ADH1B: variants seen among roughly 807,000 people sequenced by gnomAD.
The protein encoded by ADH1B is all-trans-retinol dehydrogenase [NAD(+)] ADH1B.
A neutral mutation model predicts 34.6 loss-of-function variants in ADH1B; 29 were observed. That is an observed-to-expected ratio of 0.84 (90% CI 0.62 to 1.14). ADH1B has a LOEUF of 1.14. Among genes scored for constraint, ADH1B ranks in the 50% most tolerant of loss-of-function variants. ADH1B has a pLI of 0.00. For synonymous variants in ADH1B, 170 were observed against 175.5 expected, an observed-to-expected ratio of 0.97 and a Z score of 0.25; for missense variants, 424 against 468.4, an observed-to-expected ratio of 0.91 and a Z score of 0.87.
intron 8 of ADH1B, among the ~76,000 whole-genome samples, chr4:99,310,134 G>C (rs544355644): frequency 6.6e-6 from 1 of 152,232 alleles, no homozygotes; most frequent in Admixed American, 6.5e-5. Flanking sequence ...TTAAATGTTA[G>C]AGGTAGGAAA....
At position 99,316,104 on chromosome 4, in the gene ADH1B, G is replaced by C. The variant is rs778449756; in HGVS notation, c.361C>G (p.Arg121Gly). ...CTGGTGCCATCCTGCAGGGTCCCCCGAGGATTGCCTAGACTGGGCAGTGCA... is the reference window on the plus strand; with the variant it reads ...CTGGTGCCATCCTGCAGGGTCCCCCCAGGATTGCCTAGACTGGGCAGTGCA... ...YCLKNDLGNP[R>G]GTLQDGTRRF... Residue 121 changes from arginine to glycine, a missense_variant, in exon 5 of 9, where the codon CGG becomes GGG. This residue lies in a region of ADH1B where 291 missense variants were observed against 300.4 expected (regional missense o/e 0.97). Transcript: ENST00000305046. The C allele has an allele frequency of 6.2e-7, 1 of 1,614,054 alleles. No homozygotes were observed. Among genetic ancestry groups the C allele is most frequent in the Admixed American group, 1.7e-5 (1 of 60,002 alleles).
Position 99,314,187 on chromosome 4 carries a change from CTT to C in ADH1B, c.568-108_568-107del. The C allele has an allele frequency of 3.3e-6, 5 of 1,507,856 alleles. No homozygotes were observed. In the East Asian group the frequency reaches 1.1e-4, roughly 34 times the overall value. The allele number at this position is 1,507,856 out of a possible 1,614,324, so 93.4% of individuals were successfully genotyped here. A position where few individuals can be genotyped will look rare whatever the true frequency, so the allele number is the denominator to read the frequency against. On this transcript the variant is annotated intron_variant, in intron 5 of 8. Transcript: ENST00000305046. ...GTGTTTATCAAGAACTACTCAGACT[CTT>C]TTGTCCAACCGTTTATCAAAACCTC...
Position 99,318,768 on chromosome 4 carries a change from A to T in ADH1B, c.120+17T>A. The T allele has an allele frequency of 6.3e-7, 1 of 1,590,700 alleles. No homozygotes were observed. On this transcript the variant is annotated intron_variant, in intron 2 of 8. Transcript: ENST00000305046. ...TTTTTAAATGTAAAATGAAATATAA[A>T]TGGAAAAATATTTCACCTTAATGCG...
Position 99,311,609 on chromosome 4 carries a change from G to T in ADH1B, c.876C>A (p.Ile292=). The T allele has an allele frequency of 6.2e-7, 1 of 1,614,022 alleles. No individual in the cohort carries two copies. The highest frequency in any genetic ancestry group is 1.3e-5 in the African/African-American group (1 of 75,026). ...CCHEACGTSV[I]VGVPPASQNL... ...TCTGGGAAGCAGGAGGTACCCCTAC[G>T]ATGACGCTTGTGCCACATGCCTCAT... The change falls in exon 7 of 9, where the codon ATC becomes ATA. Residue 292 remains isoleucine (I), a synonymous_variant. Transcript: ENST00000305046.
intron 1 of ADH1B, chr4:99,320,676 C>T: frequency 9.2e-6 from 4 of 433,192 alleles, no homozygotes; most frequent in Admixed American, 5.5e-5. Flanking sequence ...TCTGTAAAAC[C>T]ATATTAACTT....
chr4:99,315,658 A>AC (rs1483067910), intron 5 of ADH1B: 1 of 583,472 alleles, frequency 1.7e-6, no homozygotes, highest in African/African-American at 1.9e-5. Context: ...TGATCCCATA[A>AC]ACAGCAAATT....
intron 3 of ADH1B, 75 bp from the exon 4 acceptor site, chr4:99,316,377 G>A (rs1733887573): frequency 9.3e-6 from 13 of 1,403,916 alleles, no homozygotes; most frequent in South Asian, 1.2e-5. Flanking sequence ...AAGCTCACAT[G>A]TATTGATTAG....
chr4:99,312,772 G>A (rs1307062267), intron 6 of ADH1B, among the ~76,000 whole-genome samples: 1 of 152,082 alleles, frequency 6.6e-6, no homozygotes, highest in Non-Finnish European at 1.5e-5. Context: ...AGAATCACTT[G>A]AGCCCAGGAG....
chr4:99,318,629 AT>A, intron 2 of ADH1B, 155 bp downstream of exon 2: 1 of 742,806 alleles, frequency 1.3e-6, no homozygotes, highest in Non-Finnish European at 2.1e-6. Flanking sequence ...AAAATTTAAA[AT>A]TTATATTTAT....
rs1733715667 is a variant in ADH1B at position 99,310,193 on chromosome 4, T to G, written c.1103+572A>C. 7 of 216,800 alleles carry G rather than the reference T, an allele frequency of 3.2e-5. 1 individual carries two copies. The South Asian group carries it at 4.1e-4, about 13-fold the overall frequency. 13.4% of individuals were successfully genotyped at this position (216,800 alleles called of 1,614,324 possible). A position where few individuals can be genotyped will look rare whatever the true frequency, so the allele number is the denominator to read the frequency against. ...CTTCAGAGAAAATGTAAGACAAACA[T>G]TTAAAATAGTATTTACTACTCTTTT... On this transcript the variant is annotated intron_variant, in intron 8 of 8. Transcript: ENST00000305046.
intron 8 of ADH1B, 59 bp from the exon 9 acceptor site, chr4:99,307,923 G>A (rs1380081094): frequency 1.0e-5 from 16 of 1,608,030 alleles, no homozygotes; most frequent in African/African-American, 2.7e-5. Flanking sequence ...TGCTTGTTGT[G>A]AGAGTCCAAG....
chr4:99,311,235 A>C (rs1299835708), intron 7 of ADH1B, among the ~76,000 whole-genome samples: 2 of 152,200 alleles, frequency 1.3e-5, no homozygotes, highest in Non-Finnish European at 2.9e-5. Context: ...TCTACTAAAA[A>C]TTTCCATGCC....
intron 8 of ADH1B, among the ~76,000 whole-genome samples, chr4:99,310,554 C>T (rs1049371065): frequency 2.0e-5 from 3 of 151,930 alleles, no homozygotes; most frequent in South Asian, 2.1e-4. Flanking sequence ...CAGTAATCAA[C>T]GTAATTTGAC....
At position 99,305,559 on chromosome 4, in the gene ADH1B, G is replaced by GTA. The variant is rs1491392964; in HGVS notation, c.*2280_*2281insTA. The GTA allele has an allele frequency of 1.4e-3, 61 of 43,098 alleles. 16 individuals are homozygous for GTA. The highest frequency in any genetic ancestry group is 1.9e-3 in the Non-Finnish European group (48 of 25,018). The allele number at this position is 43,098 out of a possible 1,614,324, so 2.7% of individuals were successfully genotyped here. A position where few individuals can be genotyped will look rare whatever the true frequency, so the allele number is the denominator to read the frequency against. On this transcript the variant is annotated 3_prime_UTR_variant, in exon 9 of 9. Coordinates refer to ENST00000305046, the MANE Select transcript of ADH1B (RefSeq NM_000668.6). ...AACTATATGAACCACTTGCCCCATA[G>GTA]TGTATATATATATATATATATATAT...
At chr4:99,309,232 A>G (rs945537238) in intron 8 of ADH1B, among the ~76,000 whole-genome samples, 1 of 152,106 alleles carries the variant, frequency 6.6e-6, no homozygotes, top group Non-Finnish European at 1.5e-5. Flanking sequence ...TGTAGAATAG[A>G]TTTCTAGAAA....
At chr4:99,310,683 T>G in intron 8 of ADH1B, 82 bp downstream of exon 8, 2 of 1,523,946 alleles carry the variant, frequency 1.3e-6, no homozygotes, top group Non-Finnish European at 1.8e-6. Flanking sequence ...TATTTTCTCA[T>G]CTTTCCACCT....
intron 6 of ADH1B, among the ~76,000 whole-genome samples, chr4:99,312,991 G>T (rs1017683469): frequency 7.9e-5 from 12 of 152,014 alleles, no homozygotes; most frequent in Non-Finnish European, 8.8e-5. Context: ...TAAATTCTGG[G>T]GGTTGGTAAA....
At chr4:99,310,267 AAGAAAAAG>A (rs1733717144) in intron 8 of ADH1B, 1 of 363,228 alleles carries the variant, frequency 2.8e-6, no homozygotes, top group South Asian at 2.1e-5. Context: ...ACAAAAGAAA[AAGAAAAAG>A]AGAAAAACTA....
In ADH1B at chr4:99,310,848, C is replaced by T. The variant is rs771245844; in HGVS notation, c.1020G>A (p.Lys340=). The T allele has an allele frequency of 1.2e-6, 2 of 1,613,454 alleles. No homozygotes were observed. Among genetic ancestry groups the T allele is most frequent in the Non-Finnish European group, 1.7e-6 (2 of 1,179,732 alleles). The change falls in exon 8 of 9, where the codon AAG becomes AAA. Residue 340 remains lysine (K), a synonymous_variant. Transcript: ENST00000305046. ...GGGTTATTAACGCATCCAGTGAAAA[C>T]TTCTTAGCCATAAAATCAGCCACAA... ...PKLVADFMAK[K]FSLDALITHV...
Sources: gnomAD v4.1 joint callset for allele counts (sites outside exome capture counted in the v4.1 genomes callset) on GRCh38, gnomAD v4.1.1 for gene constraint, gnomAD v4.1.1 regional missense constraint, MANE v1.5 for transcripts, NCBI Gene and HGNC (gene_info 2026-07-23, HGNC 2026-07-21) for gene names.